Variants in CTNNA3 observed in about 807,000 individuals in gnomAD.
CTNNA3 encodes catenin alpha 3.
In CTNNA3, 76 loss-of-function variants were observed where a neutral mutation model predicts 95.7. The ratio of observed to expected loss-of-function variants is 0.79; its 90% CI spans 0.66 to 0.96. The LOEUF (loss-of-function observed/expected upper bound fraction) is 0.96. Among genes scored for constraint, CTNNA3 ranks in the 40% least tolerant of loss-of-function variants. The pLI is 0.00. For missense variants in CTNNA3, 1,191 were observed against 1,089.8 expected (o/e 1.09, Z -1.31); for synonymous variants, 431 against 374.4 (o/e 1.15, Z -1.74).
chr10:67,053,159 A>G (rs1211272903), intron 7 of CTNNA3, among the ~76,000 whole-genome samples: 3 of 152,204 alleles, frequency 2.0e-5, no homozygotes, highest in African/African-American at 7.2e-5. Flanking sequence ...CTGGGAACCA[A>G]TCATCTTTTA....
At chr10:66,766,747 C>T (rs539209539) in intron 8 of CTNNA3, among the ~76,000 whole-genome samples, 1 of 152,254 alleles carries the variant, frequency 6.6e-6, no homozygotes, top group Non-Finnish European at 1.5e-5. Context: ...AGTGTGTACA[C>T]ATAATATTGT....
intron 1 of CTNNA3, among the ~76,000 whole-genome samples, chr10:67,723,051 A>C (rs563951340): frequency 6.7e-6 from 1 of 148,288 alleles, no homozygotes; most frequent in East Asian, 2.0e-4. Flanking sequence ...CAGTGGCGTA[A>C]TCTTGGCTCA....
chr10:66,628,975 G>A (rs752562317), intron 9 of CTNNA3, among the ~76,000 whole-genome samples: 15 of 152,048 alleles, frequency 9.9e-5, no homozygotes, highest in Non-Finnish European at 1.9e-4. Context: ...GTTCTTGGAG[G>A]TATATAAGAT....
intron 7 of CTNNA3, among the ~76,000 whole-genome samples, chr10:66,891,361 A>T (rs1845262902): frequency 6.6e-6 from 1 of 152,248 alleles, no homozygotes; most frequent in Non-Finnish European, 1.5e-5. Flanking sequence ...TGAGGGTCTG[A>T]TAGCTCTCAT....
intron 17 of CTNNA3, among the ~76,000 whole-genome samples, chr10:65,956,040 C>T (rs962446885): frequency 9.2e-5 from 14 of 152,076 alleles, no homozygotes; most frequent in Admixed American, 2.0e-4. Flanking sequence ...GGTTGGTATG[C>T]TATTAATTAT....
At chr10:66,782,863 A>G (rs1840595456) in intron 7 of CTNNA3, among the ~76,000 whole-genome samples, 1 of 152,154 alleles carries the variant, frequency 6.6e-6, no homozygotes, top group Non-Finnish European at 1.5e-5. Context: ...AAGTAGTACA[A>G]TATAAACTTG....
chr10:67,362,605 C>A (rs1740107190), intron 5 of CTNNA3, among the ~76,000 whole-genome samples: 1 of 151,642 alleles, frequency 6.6e-6, no homozygotes, highest in Admixed American at 6.6e-5. Context: ...GAGCATATCT[C>A]AAAATAATAA....
intron 7 of CTNNA3, among the ~76,000 whole-genome samples, chr10:66,905,294 C>T (rs1845936966): frequency 6.6e-6 from 1 of 152,148 alleles, no homozygotes; most frequent in Non-Finnish European, 1.5e-5. Flanking sequence ...ACCACATGTT[C>T]TCACTCATAG....
intron 10 of CTNNA3, among the ~76,000 whole-genome samples, chr10:66,536,635 A>G (rs550458088): frequency 1.6e-4 from 25 of 152,270 alleles, no homozygotes; most frequent in Non-Finnish European, 3.1e-4. Context: ...AGACAAAGAA[A>G]TAGGGGTTCC....
At chr10:66,282,718 C>T (rs764536600) in intron 12 of CTNNA3, among the ~76,000 whole-genome samples, 6 of 151,758 alleles carry the variant, frequency 4.0e-5, no homozygotes, top group Admixed American at 1.3e-4. Flanking sequence ...CTGCTCTTAG[C>T]ATTAAGTATT....
At chr10:67,499,215 G>A (rs1211197102) in intron 5 of CTNNA3, among the ~76,000 whole-genome samples, 4 of 152,176 alleles carry the variant, frequency 2.6e-5, no homozygotes, top group African/African-American at 4.8e-5. Context: ...CGTTGGTTCT[G>A]TTTAGGTGAT....
chr10:66,510,920 G>T (rs1191044627), intron 11 of CTNNA3, among the ~76,000 whole-genome samples: 1 of 151,734 alleles, frequency 6.6e-6, no homozygotes, highest in Non-Finnish European at 1.5e-5. Flanking sequence ...TAATTAGGAA[G>T]AATTTCTTAA....
chr10:65,966,744 G>C lies in CTNNA3; in HGVS notation c.2268C>G (p.Cys756Trp). The C allele has an allele frequency of 6.2e-7, 1 of 1,605,924 alleles. No individual in the cohort carries two copies. Among genetic ancestry groups the C allele is most frequent in the South Asian group, 1.1e-5 (1 of 90,214 alleles). The change falls in exon 17 of 18, where the codon TGC (cysteine) becomes TGG (tryptophan). Residue 756 changes from cysteine (C) to tryptophan (W), a missense_variant and splice_region_variant. Cys to Trp is a radical substitution (Grantham distance 215). Transcript: ENST00000433211. ...AGTCCTGTTTACAAGATGGATCTGG[G>C]CACTAAATATGAATCAAAGATAAAA... ...DVLARQIANQCPDPSCKQDLL... is the reference protein window; with the variant it reads ...DVLARQIANQWPDPSCKQDLL...
intron 5 of CTNNA3, among the ~76,000 whole-genome samples, chr10:67,254,511 T>G (rs1000579097): frequency 2.0e-5 from 3 of 152,128 alleles, no homozygotes. Flanking sequence ...GGAACCTAGG[T>G]CTTTCTGATC....
chr10:67,475,101 T>C (rs1847957278), intron 5 of CTNNA3, among the ~76,000 whole-genome samples: 1 of 152,082 alleles, frequency 6.6e-6, no homozygotes, highest in South Asian at 2.1e-4. Context: ...TAAAAATAAA[T>C]AAACTACTGA....
intron 11 of CTNNA3, among the ~76,000 whole-genome samples, chr10:66,418,285 T>G (rs1196041113): frequency 6.6e-6 from 1 of 151,542 alleles, no homozygotes; most frequent in African/African-American, 2.4e-5. Flanking sequence ...AGTAGATACA[T>G]TGCTAGAAAC....
intron 7 of CTNNA3, among the ~76,000 whole-genome samples, chr10:67,064,176 T>C (rs1855928735): frequency 6.6e-6 from 1 of 152,206 alleles, no homozygotes; most frequent in Admixed American, 6.6e-5. Context: ...TCTTTCATCT[T>C]ACATCATTAG....
At chr10:65,940,716 T>C (rs967509785) in intron 17 of CTNNA3, among the ~76,000 whole-genome samples, 1 of 152,166 alleles carries the variant, frequency 6.6e-6, no homozygotes, top group African/African-American at 2.4e-5. Flanking sequence ...CTCTAAGCAG[T>C]TGAGGGATTT....
chr10:66,159,638 T>TG (rs1272795143), intron 13 of CTNNA3, among the ~76,000 whole-genome samples: 4 of 150,434 alleles, frequency 2.7e-5, no homozygotes, highest in Non-Finnish European at 5.9e-5. Context: ...TTTTTTTTTT[T>TG]TTTTTGGTTA....
Sources: allele counts gnomAD v4.1 joint callset (sites outside exome capture counted in the v4.1 genomes callset), GRCh38; gene constraint gnomAD v4.1.1; transcripts MANE v1.5; gene names NCBI Gene and HGNC (gene_info 2026-07-23, HGNC 2026-07-21).